The following SRBD1 variants were observed in gnomAD, a reference collection of about 807,000 sequenced individuals.
SRBD1 encodes the protein S1 RNA-binding domain-containing protein 1.
SRBD1 carries 88 observed loss-of-function variants against 115.3 expected under a neutral mutation model. The ratio of observed to expected loss-of-function variants is 0.76; its 90% CI spans 0.64 to 0.91. SRBD1 has a LOEUF of 0.91. SRBD1 is among the 40% of genes least tolerant of loss of function. The pLI is 0.00. For missense variants in SRBD1, 1,385 were observed against 1,177.4 expected, an observed-to-expected ratio of 1.18 and a Z score of -2.58; for synonymous variants, 509 against 407.7, an observed-to-expected ratio of 1.25 and a Z score of -2.99.
intron 16 of SRBD1, among the ~76,000 whole-genome samples, chr2:45,431,616 G>T (rs1668339445): frequency 6.6e-6 from 1 of 152,140 alleles, no homozygotes; most frequent in African/African-American, 2.4e-5. Context: ...CACACACACT[G>T]GGGCCTGTCA....
chr2:45,425,743 C>T (rs904986280), intron 16 of SRBD1, among the ~76,000 whole-genome samples: 2 of 152,134 alleles, frequency 1.3e-5, no homozygotes, highest in African/African-American at 4.8e-5. Context: ...AACTCCCTCC[C>T]TCCCCTAGCC....
intron 18 of SRBD1, among the ~76,000 whole-genome samples, chr2:45,417,892 C>G (rs1371129476): frequency 1.3e-5 from 2 of 152,194 alleles, no homozygotes; most frequent in Non-Finnish European, 2.9e-5. Flanking sequence ...GCCTTTGCCT[C>G]ATTTCCTGAA....
chr2:45,394,439 G>T (rs1447130711), intron 19 of SRBD1, among the ~76,000 whole-genome samples: 1 of 152,194 alleles, frequency 6.6e-6, no homozygotes, highest in African/African-American at 2.4e-5. Context: ...TAATCAGGCA[G>T]ATAGTGATAC....
intron 15 of SRBD1, among the ~76,000 whole-genome samples, chr2:45,477,643 G>A (rs933605107): frequency 2.0e-5 from 3 of 152,076 alleles, no homozygotes; most frequent in Non-Finnish European, 2.9e-5. Flanking sequence ...TTGAACTCCT[G>A]GGCTCAAGCA....
intron 16 of SRBD1, among the ~76,000 whole-genome samples, chr2:45,465,907 G>A (rs1456283119): frequency 2.6e-5 from 4 of 152,028 alleles, no homozygotes; most frequent in Non-Finnish European, 2.9e-5. Context: ...CAAAAATTTG[G>A]AGAGGCTGCA....
intron 16 of SRBD1, among the ~76,000 whole-genome samples, chr2:45,454,738 CA>C (rs1208521641): frequency 2.6e-5 from 4 of 151,846 alleles, no homozygotes; most frequent in Non-Finnish European, 4.4e-5. Flanking sequence ...CTACTTCTCA[CA>C]AACAGCACGG....
At chr2:45,546,164 A>C (rs1672113358) in intron 14 of SRBD1, 16 of 985,318 alleles carry the variant, frequency 1.6e-5, no homozygotes, top group Non-Finnish European at 1.8e-5. Flanking sequence ...AAGCAGAACT[A>C]CTACAAATGC....
intron 7 of SRBD1, among the ~76,000 whole-genome samples, chr2:45,576,129 C>T (rs1190644044): frequency 1.3e-5 from 2 of 152,188 alleles, no homozygotes; most frequent in Non-Finnish European, 1.5e-5. Context: ...CCTCCTCCTC[C>T]TCCTCCTCCT....
intron 14 of SRBD1, among the ~76,000 whole-genome samples, chr2:45,521,286 A>AACACACACACACACACACACACACACAC (rs71394840): frequency 6.8e-6 from 1 of 146,330 alleles, no homozygotes; most frequent in Non-Finnish European, 1.5e-5. Context: ...CAAAAAGGAA[A>AACACACACACACACACACACACACACAC]ACACACACAC....
At chr2:45,527,983 A>C (rs1411601379) in intron 14 of SRBD1, among the ~76,000 whole-genome samples, 1 of 152,028 alleles carries the variant, frequency 6.6e-6, no homozygotes, top group East Asian at 1.9e-4. Context: ...AAATAATAGG[A>C]GCAGATCAGG....
At chr2:45,563,876 A>G (rs773422730) in intron 9 of SRBD1, among the ~76,000 whole-genome samples, 1 of 152,220 alleles carries the variant, frequency 6.6e-6, no homozygotes, top group Non-Finnish European at 1.5e-5. Flanking sequence ...AACATTCTAA[A>G]AAGAATCAAT....
intron 14 of SRBD1, among the ~76,000 whole-genome samples, chr2:45,506,114 G>C (rs1007421646): frequency 1.3e-5 from 2 of 152,138 alleles, no homozygotes; most frequent in African/African-American, 4.8e-5. Context: ...ATACAAATCA[G>C]TGATTTGTTT....
chr2:45,525,238 T>C (rs986573561), intron 14 of SRBD1, among the ~76,000 whole-genome samples: 6 of 152,040 alleles, frequency 3.9e-5, no homozygotes, highest in Non-Finnish European at 7.4e-5. Context: ...TTTGGCAAAG[T>C]GTTCTTACAT....
intron 16 of SRBD1, among the ~76,000 whole-genome samples, chr2:45,462,646 T>C (rs987015856): frequency 3.4e-5 from 5 of 148,764 alleles, no homozygotes; most frequent in African/African-American, 1.2e-4. Context: ...ACCCCGTCTG[T>C]ACTAAAAAAA....
intron 15 of SRBD1, among the ~76,000 whole-genome samples, chr2:45,483,209 T>C (rs1468715813): frequency 6.6e-6 from 1 of 152,114 alleles, no homozygotes; most frequent in Non-Finnish European, 1.5e-5. Context: ...ATAGGGATTT[T>C]AGGTTTTTTA....
chr2:45,593,692 T>C (rs1228589408), intron 4 of SRBD1, among the ~76,000 whole-genome samples: 1 of 152,238 alleles, frequency 6.6e-6, no homozygotes, highest in East Asian at 1.9e-4. Context: ...GAATTTTCTA[T>C]TCTAAATCAC....
intron 9 of SRBD1, chr2:45,567,876 A>G (rs1000477762): frequency 3.3e-5 from 5 of 152,220 alleles, no homozygotes; most frequent in Non-Finnish European, 5.9e-5. Context: ...ATCACAATAC[A>G]TTATTGGAGG....
intron 19 of SRBD1, among the ~76,000 whole-genome samples, chr2:45,397,963 T>C (rs1667193460): frequency 6.6e-6 from 1 of 152,196 alleles, no homozygotes; most frequent in African/African-American, 2.4e-5. Context: ...CTTAACAATC[T>C]ATGCTGGTGC....
chr2:45,392,315 T>C (rs991301939), intron 20 of SRBD1, among the ~76,000 whole-genome samples: 6 of 152,208 alleles, frequency 3.9e-5, no homozygotes, highest in African/African-American at 1.2e-4. Flanking sequence ...AGCGGATTCA[T>C]TTAAATCTCA....
Sources: allele counts gnomAD v4.1 joint callset (sites outside exome capture counted in the v4.1 genomes callset), GRCh38; gene constraint gnomAD v4.1.1; transcripts MANE v1.5; gene names NCBI Gene and HGNC (gene_info 2026-07-23, HGNC 2026-07-21).